The following IL1RAPL1 variants were observed in gnomAD, a reference collection of about 807,000 sequenced individuals.
IL1RAPL1 encodes the protein interleukin-1 receptor accessory protein-like 1.
IL1RAPL1 carries 3 observed loss-of-function variants against 48.4 expected under a neutral mutation model. The observed-to-expected ratio is 0.06, with a 90% CI of 0.03 to 0.16. The LOEUF is 0.16. Ranked by LOEUF, IL1RAPL1 falls within the 10% of genes least tolerant of loss-of-function variation. The pLI, the probability that IL1RAPL1 is intolerant of heterozygous loss-of-function variation, is 1.00. For synonymous variants in IL1RAPL1, 185 were observed against 187.7 expected (o/e 0.99, Z 0.12); for missense variants, 349 against 530.6 (o/e 0.66, Z 3.36).
chrX:29,948,897 G>T (rs1348592679), intron 9 of IL1RAPL1, among the ~76,000 whole-genome samples: 1 of 108,595 alleles, frequency 9.2e-6, no homozygotes, highest in Non-Finnish European at 1.9e-5. Context: ...CAACTATTCA[G>T]TAAGTGTTTA....
At chrX:29,908,146 C>T (rs1932680972) in intron 6 of IL1RAPL1, among the ~76,000 whole-genome samples, 1 of 110,978 alleles carries the variant, frequency 9.0e-6, no homozygotes, top group African/African-American at 3.3e-5. Flanking sequence ...CTATGGAAAA[C>T]TGGCTTTCTT....
At chrX:29,055,205 AT>A (rs759251762) in intron 2 of IL1RAPL1, among the ~76,000 whole-genome samples, 1 of 111,113 alleles carries the variant, frequency 9.0e-6, no homozygotes, top group East Asian at 2.8e-4. Flanking sequence ...TATAATATAT[AT>A]TTCCTTTTCC....
intron 5 of IL1RAPL1, among the ~76,000 whole-genome samples, chrX:29,454,817 T>C (rs1934720178): frequency 9.1e-6 from 1 of 109,605 alleles, no homozygotes; most frequent in Non-Finnish European, 1.9e-5. Flanking sequence ...ATTTTTTTTT[T>C]TTTCTGTGTC....
intron 6 of IL1RAPL1, among the ~76,000 whole-genome samples, chrX:29,710,349 G>A (rs1328857423): frequency 1.3e-5 from 1 of 77,719 alleles, no homozygotes; most frequent in African/African-American, 4.9e-5. Flanking sequence ...TATCTACTTT[G>A]TTGAGTTTTT....
intron 2 of IL1RAPL1, among the ~76,000 whole-genome samples, chrX:29,218,681 A>T (rs1454378762): frequency 8.9e-6 from 1 of 112,226 alleles, no homozygotes; most frequent in African/African-American, 3.2e-5. Flanking sequence ...ATTCACTTTA[A>T]AAACTTGGTT....
chrX:28,929,960 T>C (rs183085605), intron 2 of IL1RAPL1, among the ~76,000 whole-genome samples: 7 of 112,629 alleles, frequency 6.2e-5, no homozygotes, highest in Admixed American at 2.8e-4. Context: ...AAGTGTTTTC[T>C]TTTTAAGAGT....
At chrX:29,000,803 A>G (rs1205503633) in intron 2 of IL1RAPL1, among the ~76,000 whole-genome samples, 3 of 108,362 alleles carry the variant, frequency 2.8e-5, no homozygotes, top group Non-Finnish European at 3.8e-5. Context: ...CTCTTTTTAC[A>G]AGTTTATCTT....
intron 6 of IL1RAPL1, among the ~76,000 whole-genome samples, chrX:29,755,844 A>G (rs1052885289): frequency 8.9e-6 from 1 of 112,116 alleles, no homozygotes; most frequent in African/African-American, 3.2e-5. Flanking sequence ...TATTATTTTT[A>G]AATTCTTTCA....
intron 2 of IL1RAPL1, among the ~76,000 whole-genome samples, chrX:29,203,545 A>G (rs1374398593): frequency 9.2e-6 from 1 of 108,333 alleles, no homozygotes; most frequent in Non-Finnish European, 1.9e-5. Flanking sequence ...ACATGGAGAA[A>G]CCCCGTCTCT....
chrX:28,658,757 C>T (rs750401814), intron 1 of IL1RAPL1, among the ~76,000 whole-genome samples: 44 of 110,758 alleles, frequency 4.0e-4, no homozygotes, highest in Non-Finnish European at 7.2e-4. Context: ...CCGGCATTGT[C>T]CAGAAAAATT....
intron 6 of IL1RAPL1, among the ~76,000 whole-genome samples, chrX:29,886,354 A>T (rs1601867318): frequency 8.9e-6 from 1 of 112,417 alleles, no homozygotes; most frequent in African/African-American, 3.2e-5. Context: ...TCTGTGGCTT[A>T]TAGAACCTCT....
At chrX:29,488,737 G>A (rs1371099704) in intron 5 of IL1RAPL1, among the ~76,000 whole-genome samples, 1 of 111,386 alleles carries the variant, frequency 9.0e-6, no homozygotes, top group African/African-American at 3.3e-5. Flanking sequence ...ATGAGAGGTG[G>A]TGCATATATA....
chrX:29,056,536 C>T (rs1250421315), intron 2 of IL1RAPL1, among the ~76,000 whole-genome samples: 1 of 111,985 alleles, frequency 8.9e-6, no homozygotes, highest in African/African-American at 3.2e-5. Flanking sequence ...CTTTATGGCA[C>T]ATTTTAATAG....
At chrX:29,269,857 C>T (rs970724591) in intron 2 of IL1RAPL1, among the ~76,000 whole-genome samples, 4 of 111,065 alleles carry the variant, frequency 3.6e-5, no homozygotes, top group African/African-American at 1.3e-4. Flanking sequence ...ACTATCATCA[C>T]CACAATCAAG....
At chrX:28,743,320 A>G in intron 1 of IL1RAPL1, among the ~76,000 whole-genome samples, 1 of 111,537 alleles carries the variant, frequency 9.0e-6, no homozygotes, top group Non-Finnish European at 1.9e-5. Context: ...CAATTTATCT[A>G]AGGTCTCTCT....
rs756652723 is a variant in IL1RAPL1 at position 28,723,132 on chromosome X, CT to C, written c.-24-66183del. On this transcript the variant is annotated intron_variant, in intron 1 of 10. Transcript: ENST00000378993. ...TAAAATGAGTTAGGGAGGATTCCCT[CT>C]TTTTCTATTCATTGGAATAGTTTCA... Among the ~76,000 whole-genome samples, 8 of 111,586 alleles carry C rather than the reference CT, an allele frequency of 7.2e-5. No homozygotes were observed. In the East Asian group the frequency reaches 8.5e-4, roughly 12 times the overall value.
chrX:29,051,242 G>A (rs1050037996), intron 2 of IL1RAPL1, among the ~76,000 whole-genome samples: 4 of 111,655 alleles, frequency 3.6e-5, no homozygotes, highest in African/African-American at 1.3e-4. Context: ...AAATAAAAGC[G>A]TTATGAGATG....
At chrX:28,988,211 T>A (rs1406270178) in intron 2 of IL1RAPL1, among the ~76,000 whole-genome samples, 1 of 111,748 alleles carries the variant, frequency 8.9e-6, no homozygotes, top group Non-Finnish European at 1.9e-5. Context: ...AATCAAATAC[T>A]GTTTAAATTT....
intron 2 of IL1RAPL1, among the ~76,000 whole-genome samples, chrX:29,257,286 T>G (rs1295734198): frequency 9.0e-6 from 1 of 111,507 alleles, no homozygotes; most frequent in Non-Finnish European, 1.9e-5. Context: ...AAGTTTGCCC[T>G]AATGCATTAT....
Sources: allele counts gnomAD v4.1 joint callset (sites outside exome capture counted in the v4.1 genomes callset), GRCh38; gene constraint gnomAD v4.1.1; transcripts MANE v1.5; gene names NCBI Gene and HGNC (gene_info 2026-07-23, HGNC 2026-07-21).